The following NEGR1 variants were observed in gnomAD, a reference collection of about 807,000 sequenced individuals.
NEGR1 encodes IgLON family member 4.
Under a neutral mutation model 40.9 loss-of-function variants are expected in NEGR1, and 10 were observed. That is an observed-to-expected ratio of 0.24 (90% confidence interval 0.15 to 0.42). The LOEUF is 0.42. NEGR1 is among the 10% of genes least tolerant of loss of function. The pLI is 1.00. For missense variants in NEGR1, 352 were observed against 438.9 expected, an observed-to-expected ratio of 0.80 and a Z score of 1.77; for synonymous variants, 185 against 166.8, an observed-to-expected ratio of 1.11 and a Z score of -0.84.
intron 1 of NEGR1, among the ~76,000 whole-genome samples, chr1:72,041,624 C>G (rs899581584): frequency 6.7e-6 from 1 of 149,754 alleles, no homozygotes; most frequent in Non-Finnish European, 1.5e-5. Flanking sequence ...TGTGACCCTC[C>G]GTACCTCAAA....
At chr1:72,063,464 G>A (rs987248854) in intron 1 of NEGR1, among the ~76,000 whole-genome samples, 1 of 151,780 alleles carries the variant, frequency 6.6e-6, no homozygotes, top group Non-Finnish European at 1.5e-5. Flanking sequence ...AAGTAATTGC[G>A]TTTTTGCCAT....
intron 2 of NEGR1, among the ~76,000 whole-genome samples, chr1:71,780,757 G>A (rs1656687707): frequency 6.6e-6 from 1 of 152,180 alleles, no homozygotes; most frequent in South Asian, 2.1e-4. Flanking sequence ...AGGAGATAAT[G>A]CGTATTTAGA....
chr1:71,815,734 G>A (rs1047343154), intron 2 of NEGR1, among the ~76,000 whole-genome samples: 4 of 151,920 alleles, frequency 2.6e-5, no homozygotes, highest in African/African-American at 9.7e-5. Context: ...CTAATTAGTA[G>A]GTATCTCCCT....
intron 1 of NEGR1, among the ~76,000 whole-genome samples, chr1:72,148,809 A>G (rs1470524481): frequency 6.6e-6 from 1 of 152,160 alleles, no homozygotes; most frequent in Non-Finnish European, 1.5e-5. Context: ...TCCATCTGAG[A>G]CCACCTCAGG....
chr1:71,832,788 A>T (rs569210159), intron 2 of NEGR1, among the ~76,000 whole-genome samples: 1 of 152,168 alleles, frequency 6.6e-6, no homozygotes, highest in East Asian at 1.9e-4. Context: ...TGTAAAGTGC[A>T]TTGCCATGAT....
intron 3 of NEGR1, among the ~76,000 whole-genome samples, chr1:71,732,559 G>A (rs747206194): frequency 1.3e-5 from 2 of 151,800 alleles, no homozygotes; most frequent in Non-Finnish European, 2.9e-5. Flanking sequence ...AGAGGCATTC[G>A]TGTTGACATT....
At chr1:72,106,753 T>A (rs1473988133) in intron 1 of NEGR1, among the ~76,000 whole-genome samples, 1 of 151,998 alleles carries the variant, frequency 6.6e-6, no homozygotes, top group Non-Finnish European at 1.5e-5. Context: ...AAATTAAAGA[T>A]TAATTTACTA....
At chr1:71,471,383 C>T (rs773541305) in intron 6 of NEGR1, among the ~76,000 whole-genome samples, 3 of 152,100 alleles carry the variant, frequency 2.0e-5, no homozygotes, top group Non-Finnish European at 4.4e-5. Flanking sequence ...CCTTGGCTCA[C>T]GCCTGTAATC....
In NEGR1 at chr1:72,282,354, G is replaced by A; in HGVS notation, c.141C>T (p.Asn47=). The change falls in exon 1 of 7, where the codon AAC becomes AAT. Residue 47 remains asparagine (N), a synonymous_variant. Coordinates refer to ENST00000357731, the MANE Select transcript of NEGR1 (RefSeq NM_173808.3). ...CCGTGTCCCCTTTTCTGACCATCAT[G>A]TTGTCCACGGCCGCCCAGGGGAAGT... ...SVDFPWAAVD[N]MMVRKGDTAV... 1 of 1,614,070 alleles carries A rather than the reference G, an allele frequency of 6.2e-7. No individual in the cohort carries two copies. Among genetic ancestry groups the A allele is most frequent in the Non-Finnish European group, 8.5e-7 (1 of 1,180,016 alleles).
At chr1:71,830,362 T>G (rs1170655359) in intron 2 of NEGR1, among the ~76,000 whole-genome samples, 1 of 151,878 alleles carries the variant, frequency 6.6e-6, no homozygotes, top group Non-Finnish European at 1.5e-5. Flanking sequence ...AACCATAATA[T>G]CTGTCACAAC....
chr1:72,118,643 C>T (rs1649672649), intron 1 of NEGR1, among the ~76,000 whole-genome samples: 1 of 151,788 alleles, frequency 6.6e-6, no homozygotes, highest in African/African-American at 2.4e-5. Flanking sequence ...GGAGGGTTTT[C>T]CCAGAGTCTG....
chr1:71,698,703 C>G (rs550727971), intron 3 of NEGR1, among the ~76,000 whole-genome samples: 1 of 151,768 alleles, frequency 6.6e-6, no homozygotes, highest in Non-Finnish European at 1.5e-5. Flanking sequence ...ATATAACTCA[C>G]GCAATAAATC....
intron 1 of NEGR1, among the ~76,000 whole-genome samples, chr1:72,028,508 A>G (rs1374057665): frequency 6.6e-6 from 1 of 152,188 alleles, no homozygotes; most frequent in Non-Finnish European, 1.5e-5. Flanking sequence ...TAAAGATAAA[A>G]CAACCCTCTA....
At chr1:71,614,932 G>A (rs1189083850) in intron 4 of NEGR1, among the ~76,000 whole-genome samples, 3 of 152,074 alleles carry the variant, frequency 2.0e-5, no homozygotes, top group Non-Finnish European at 4.4e-5. Context: ...GATGGACACC[G>A]AAAATGGAAA....
chr1:71,821,713 G>A (rs755091825), intron 2 of NEGR1, among the ~76,000 whole-genome samples: 5 of 151,988 alleles, frequency 3.3e-5, no homozygotes, highest in Middle Eastern at 3.4e-3. Context: ...AGGCCTCTAC[G>A]GACCTGTAGA....
chr1:71,802,400 T>G (rs1657594514), intron 2 of NEGR1, among the ~76,000 whole-genome samples: 1 of 152,200 alleles, frequency 6.6e-6, no homozygotes, highest in Admixed American at 6.5e-5. Flanking sequence ...GCTATTCATA[T>G]GTGATCATGC....
chr1:71,964,052 A>C (rs1646190301), intron 1 of NEGR1, among the ~76,000 whole-genome samples: 1 of 152,148 alleles, frequency 6.6e-6, no homozygotes. Flanking sequence ...TTGAAAGTTA[A>C]AGTTCTACAA....
intron 6 of NEGR1, among the ~76,000 whole-genome samples, chr1:71,464,491 T>C (rs1159739090): frequency 6.6e-6 from 1 of 152,116 alleles, no homozygotes; most frequent in Non-Finnish European, 1.5e-5. Flanking sequence ...ATGAATACCG[T>C]TCCATTTTGT....
chr1:71,942,455 C>CTATCTATCTA (rs1342537095), intron 1 of NEGR1, among the ~76,000 whole-genome samples: 1 of 21,298 alleles, frequency 4.7e-5, no homozygotes, highest in East Asian at 1.6e-3. Flanking sequence ...TTCTTTAAAT[C>CTATCTATCTA]TATATATATA....
Sources: allele counts gnomAD v4.1 joint callset (sites outside exome capture counted in the v4.1 genomes callset), GRCh38; gene constraint gnomAD v4.1.1; transcripts MANE v1.5; gene names NCBI Gene and HGNC (gene_info 2026-07-23, HGNC 2026-07-21).